STPG2: variants seen among roughly 807,000 people sequenced by gnomAD.
STPG2 encodes the protein sperm-tail PG-rich repeat-containing protein 2.
Under a neutral mutation model 54.2 loss-of-function variants are expected in STPG2, and 56 were observed. That is an observed-to-expected ratio of 1.03 (90% confidence interval 0.83 to 1.29). The LOEUF (loss-of-function observed/expected upper bound fraction) is 1.29. Among genes scored for constraint, STPG2 ranks in the 50% most tolerant of loss-of-function variants. The probability of loss-of-function intolerance (pLI) is 0.00; values close to 1 mark genes in which losing one functional copy is unlikely to be tolerated. For synonymous variants in STPG2, 200 were observed against 181.8 expected (o/e 1.10, Z -0.81); for missense variants, 596 against 544.9 (o/e 1.09, Z -0.93).
At chr4:97,479,093 TAGA>T (rs1326378095) in intron 4 of STPG2, among the ~76,000 whole-genome samples, 1 of 151,634 alleles carries the variant, frequency 6.6e-6, no homozygotes, top group Non-Finnish European at 1.5e-5. Flanking sequence ...TTGAAACTAT[TAGA>T]AGGATATACA....
At chr4:97,467,838 T>A (rs1729826328) in intron 4 of STPG2, among the ~76,000 whole-genome samples, 1 of 150,276 alleles carries the variant, frequency 6.7e-6, no homozygotes, top group African/African-American at 2.5e-5. Context: ...TTAAAGCTGC[T>A]TTTGCTTTTT....
chr4:97,449,348 A>G (rs1729308749), intron 4 of STPG2, among the ~76,000 whole-genome samples: 1 of 152,174 alleles, frequency 6.6e-6, no homozygotes, highest in Non-Finnish European at 1.5e-5. Flanking sequence ...TGTTAAATGC[A>G]TATTATCTGC....
At chr4:97,752,036 T>C (rs988721650) in intron 9 of STPG2, among the ~76,000 whole-genome samples, 5 of 151,740 alleles carry the variant, frequency 3.3e-5, no homozygotes, top group African/African-American at 1.2e-4. Flanking sequence ...TGCATACTCA[T>C]TACATTTAGA....
intron 5 of STPG2, among the ~76,000 whole-genome samples, chr4:98,094,537 T>C (rs969171231): frequency 9.9e-5 from 15 of 152,182 alleles, no homozygotes; most frequent in African/African-American, 3.6e-4. Flanking sequence ...AGCAGGCTTT[T>C]GGGGTCCCCG....
At chr4:97,683,664 C>G (rs1453887820) in intron 10 of STPG2, among the ~76,000 whole-genome samples, 3 of 151,722 alleles carry the variant, frequency 2.0e-5, no homozygotes, top group Non-Finnish European at 4.4e-5. Flanking sequence ...TAGCCTCATA[C>G]TTGATGTTGA....
intron 9 of STPG2, among the ~76,000 whole-genome samples, chr4:97,787,868 T>C (rs1726874411): frequency 6.6e-6 from 1 of 151,602 alleles, no homozygotes; most frequent in African/African-American, 2.4e-5. Context: ...AGCTGTCAAA[T>C]TCTTTGGCAA....
intron 5 of STPG2, among the ~76,000 whole-genome samples, chr4:98,016,182 T>G (rs186022611): frequency 6.6e-6 from 1 of 152,178 alleles, no homozygotes; most frequent in African/African-American, 2.4e-5. Flanking sequence ...GCTCTGCACA[T>G]GTATCCCAGA....
At chr4:98,081,782 T>C (rs971435617) in intron 5 of STPG2, among the ~76,000 whole-genome samples, 5 of 152,176 alleles carry the variant, frequency 3.3e-5, no homozygotes, top group Admixed American at 2.6e-4. Flanking sequence ...CTGCAAACTC[T>C]TCTAATGCAT....
At chr4:98,044,244 C>A (rs1179588127) in intron 5 of STPG2, among the ~76,000 whole-genome samples, 1 of 152,132 alleles carries the variant, frequency 6.6e-6, no homozygotes, top group Non-Finnish European at 1.5e-5. Flanking sequence ...ATACTACTTT[C>A]TTTTGATCTA....
intron 9 of STPG2, among the ~76,000 whole-genome samples, chr4:97,793,016 G>C (rs758832270): frequency 2.0e-5 from 3 of 151,924 alleles, no homozygotes; most frequent in Non-Finnish European, 4.4e-5. Context: ...AGCCAGGCTT[G>C]GTGGGGAGTC....
At position 97,443,362 on chromosome 4, in the gene STPG2, G is replaced by A. The variant is rs114411408; in HGVS notation, c.463-255529C>T. 5.3e-3 allele frequency among the ~76,000 whole-genome samples: 801 copies of A among 152,196 alleles called. 5 individuals are homozygous for A. The highest frequency in any genetic ancestry group is 0.018 in the African/African-American group (761 of 41,530). On this transcript the variant is annotated intron_variant, in intron 4 of 4. Coordinates refer to the STPG2 transcript ENST00000522676. Reference sequence around the variant, plus strand: ...CTAAATTACAAAGAAAAAGGAAGAAGAATAAGGGAATTCTGGCATCGTGTC... The same window carrying A: ...CTAAATTACAAAGAAAAAGGAAGAAAAATAAGGGAATTCTGGCATCGTGTC...
At chr4:97,441,463 C>T (rs1729078700) in intron 4 of STPG2, 1 of 151,918 alleles carries the variant, frequency 6.6e-6, no homozygotes, top group Non-Finnish European at 1.5e-5. Flanking sequence ...ACATTATCAA[C>T]ATGGAAGTAC....
At chr4:97,539,295 C>T (rs185420838) in intron 4 of STPG2, among the ~76,000 whole-genome samples, 40 of 152,176 alleles carry the variant, frequency 2.6e-4, no homozygotes, top group African/African-American at 8.9e-4. Context: ...ATTCAGGAAA[C>T]CCATCTCACA....
chr4:97,591,920 A>G (rs1218199758), intron 10 of STPG2, among the ~76,000 whole-genome samples: 1 of 152,236 alleles, frequency 6.6e-6, no homozygotes, highest in Non-Finnish European at 1.5e-5. Context: ...AATTCCCTGT[A>G]CATAGTATAT....
At chr4:97,615,016 C>T (rs1733822963) in intron 10 of STPG2, among the ~76,000 whole-genome samples, 1 of 152,034 alleles carries the variant, frequency 6.6e-6, no homozygotes, top group Admixed American at 6.6e-5. Flanking sequence ...AATCTTGTTC[C>T]TTCTTAAAAG....
At chr4:97,550,109 A>G (rs925960687) in intron 4 of STPG2, among the ~76,000 whole-genome samples, 4 of 152,172 alleles carry the variant, frequency 2.6e-5, no homozygotes, top group Admixed American at 6.5e-5. Flanking sequence ...AAAAGTTAAA[A>G]GATGTATATA....
At chr4:97,515,834 AGG>A (rs1731064811) in intron 4 of STPG2, among the ~76,000 whole-genome samples, 1 of 151,984 alleles carries the variant, frequency 6.6e-6, no homozygotes. Context: ...ATAGAGAGAG[AGG>A]TATGTATATA....
intron 8 of STPG2, among the ~76,000 whole-genome samples, chr4:97,874,018 A>C (rs1013343809): frequency 3.3e-5 from 5 of 151,588 alleles, no homozygotes; most frequent in African/African-American, 7.2e-5. Flanking sequence ...ACAATGGATA[A>C]GTAGAATGGA....
chr4:97,771,491 TGGTGG>T (rs1726219241), intron 9 of STPG2, among the ~76,000 whole-genome samples: 3 of 152,140 alleles, frequency 2.0e-5, no homozygotes, highest in Admixed American at 2.0e-4. Flanking sequence ...GGTCTGTAGT[TGGTGG>T]GCAAGCAGGA....
Sources: gnomAD v4.1 joint callset for allele counts (sites outside exome capture counted in the v4.1 genomes callset) on GRCh38, gnomAD v4.1.1 for gene constraint, MANE v1.5 for transcripts, NCBI Gene and HGNC (gene_info 2026-07-23, HGNC 2026-07-21) for gene names.